MSANTD5: variants seen among roughly 807,000 people sequenced by gnomAD.
The protein encoded by MSANTD5 is Myb/SANT DNA binding domain containing 5, also known as uncharacterized protein MSANTD5.
chr5:178,693,796 T>C (rs530672930), downstream of MSANTD5, among the ~76,000 whole-genome samples: 13 of 152,122 alleles, frequency 8.5e-5, 1 homozygote, highest in African/African-American at 3.1e-4. Context: ...CACAGAGTGC[T>C]GATTGGTGCA....
chr5:178,696,669 G>A (rs1054555370), intron 1 of MSANTD5, among the ~76,000 whole-genome samples: 1 of 152,054 alleles, frequency 6.6e-6, no homozygotes, highest in Non-Finnish European at 1.5e-5. Context: ...AAACCCGCAC[G>A]GAATTTCCAG....
the MSANTD5 span, among the ~76,000 whole-genome samples, chr5:178,705,742 G>A: frequency 6.6e-6 from 1 of 152,080 alleles, no homozygotes; most frequent in African/African-American, 2.4e-5. Context: ...AGGATCACGA[G>A]GTCAGGAGAT....
chr5:178,695,761 C>T (rs10042073), intron 2 of MSANTD5, among the ~76,000 whole-genome samples, 163 bp from the exon 3 acceptor site: 102,901 of 152,056 alleles, frequency 0.68, 35,260 homozygotes, highest in African/African-American at 0.72. Context: ...TGAGTCCTGA[C>T]GCCTGACACA....
At chr5:178,700,611 A>AGG (rs1180781983), upstream of MSANTD5, among the ~76,000 whole-genome samples, 39 of 54,254 alleles carry the variant, frequency 7.2e-4, no homozygotes, top group African/African-American at 1.9e-3. Context: ...AGCACTCCCG[A>AGG]GAGAGTGTGA....
downstream of MSANTD5, among the ~76,000 whole-genome samples, chr5:178,693,022 G>T (rs1223906089): frequency 1.3e-5 from 2 of 151,868 alleles, no homozygotes; most frequent in Non-Finnish European, 1.5e-5. Context: ...TAAAAAATAA[G>T]ACCACGGGCT....
At chr5:178,704,544 C>T in the MSANTD5 span, among the ~76,000 whole-genome samples, 1 of 152,190 alleles carries the variant, frequency 6.6e-6, no homozygotes, top group African/African-American at 2.4e-5. Context: ...GTTTTTATAA[C>T]ATAGCCAGTT....
At chr5:178,691,699 TAA>T (rs141047943), downstream of MSANTD5, among the ~76,000 whole-genome samples, 1 of 134,520 alleles carries the variant, frequency 7.4e-6, no homozygotes, top group East Asian at 2.0e-4. Flanking sequence ...ATAATAACAG[TAA>T]AAACAAAAAT....
upstream of MSANTD5, among the ~76,000 whole-genome samples, chr5:178,699,374 A>G (rs907757416): frequency 7.2e-5 from 11 of 152,118 alleles, no homozygotes; most frequent in African/African-American, 2.7e-4. Flanking sequence ...TGAATTCTTT[A>G]TCTTCTCAGT....
chr5:178,694,965 C>T lies in MSANTD5; in HGVS notation c.404-18G>A. The stretch of plus-strand genomic sequence containing the variant: ...GGGAGGACCTGAGAGAGAGAAGACA[C>T]ATGGAGGGCTCATGAAGCCATCACC... On this transcript the variant is annotated intron_variant, in intron 3 of 3. Coordinates refer to ENST00000648368, the Ensembl canonical transcript of MSANTD5. 1 of 152,342 alleles carries T rather than the reference C, an allele frequency of 6.6e-6. No homozygotes were observed. Among genetic ancestry groups the T allele is most frequent in the Non-Finnish European group, 1.5e-5 (1 of 68,202 alleles). 9.4% of individuals were successfully genotyped at this position (152,342 alleles called of 1,614,324 possible). A position where few individuals can be genotyped will look rare whatever the true frequency, so the allele number is the denominator to read the frequency against.
downstream of MSANTD5, among the ~76,000 whole-genome samples, chr5:178,692,096 T>C (rs1765362544): frequency 8.1e-6 from 1 of 124,118 alleles, no homozygotes; most frequent in Non-Finnish European, 1.8e-5. Context: ...AAAAAAAAAT[T>C]AGGCCAGGCG....
At chr5:178,704,225 T>C in the MSANTD5 span, among the ~76,000 whole-genome samples, 1 of 152,180 alleles carries the variant, frequency 6.6e-6, no homozygotes, top group Admixed American at 6.5e-5. Context: ...GAATTAAGTG[T>C]GTCACATCTG....
chr5:178,699,489 G>T (rs1765454230), upstream of MSANTD5, among the ~76,000 whole-genome samples: 1 of 149,420 alleles, frequency 6.7e-6, no homozygotes, highest in Non-Finnish European at 1.5e-5. Flanking sequence ...GTACAGTGAT[G>T]CAACCTCTGC....
At chr5:178,703,226 A>G in the MSANTD5 span, among the ~76,000 whole-genome samples, 1 of 152,240 alleles carries the variant, frequency 6.6e-6, no homozygotes, top group Admixed American at 6.5e-5. Context: ...TCCCATGGCA[A>G]GCCCTGTGCA....
chr5:178,701,479 T>A (rs1465256673), upstream of MSANTD5, among the ~76,000 whole-genome samples: 1 of 151,828 alleles, frequency 6.6e-6, no homozygotes, highest in Non-Finnish European at 1.5e-5. Flanking sequence ...GGTCACACAC[T>A]GGACAGGTTT....
the MSANTD5 span, among the ~76,000 whole-genome samples, chr5:178,706,085 T>C: frequency 5.9e-5 from 9 of 152,216 alleles, no homozygotes; most frequent in Non-Finnish European, 8.8e-5. Flanking sequence ...GGTGTAACTG[T>C]AGAGTTAGCT....
upstream of MSANTD5, among the ~76,000 whole-genome samples, chr5:178,699,825 G>A (rs1361972377): frequency 1.3e-5 from 2 of 152,062 alleles, no homozygotes; most frequent in Non-Finnish European, 2.9e-5. Flanking sequence ...ATTCTAATGG[G>A]GACCCTGCTT....
chr5:178,698,513 T>C (rs982951748), upstream of MSANTD5, among the ~76,000 whole-genome samples: 1 of 152,188 alleles, frequency 6.6e-6, no homozygotes, highest in African/African-American at 2.4e-5. Context: ...GATTCACAGC[T>C]TTTAGCTCAT....
At chr5:178,699,439 T>TTC (rs1178016469), upstream of MSANTD5, among the ~76,000 whole-genome samples, 1 of 151,724 alleles carries the variant, frequency 6.6e-6, no homozygotes, top group Non-Finnish European at 1.5e-5. Flanking sequence ...TCCTTCTTTT[T>TTC]TTTTTTCTGA....
chr5:178,702,301 CTTTTTTT>C (rs372575693), upstream of MSANTD5, among the ~76,000 whole-genome samples: 126 of 133,394 alleles, frequency 9.4e-4, no homozygotes, highest in African/African-American at 2.4e-3. Context: ...CTTTTTTTTT[CTTTTTTT>C]TTTTTTTTTT....
Sources: gnomAD v4.1 joint callset for allele counts (sites outside exome capture counted in the v4.1 genomes callset) on GRCh38, gnomAD v4.1.1 for gene constraint, MANE v1.5 for transcripts, NCBI Gene and HGNC (gene_info 2026-07-23, HGNC 2026-07-21) for gene names.